Variants in FOCAD observed in about 807,000 individuals in gnomAD.
The protein encoded by FOCAD is focadhesin.
In FOCAD, 198 loss-of-function variants were observed where a neutral mutation model predicts 225.6. That is an observed-to-expected ratio of 0.88 (90% CI 0.78 to 0.99). The LOEUF (loss-of-function observed/expected upper bound fraction) is 0.99. Ranked by LOEUF, FOCAD falls within the 50% of genes least tolerant of loss-of-function variation. The pLI is 0.00. For synonymous variants in FOCAD, 897 were observed against 755.0 expected, an observed-to-expected ratio of 1.19 and a Z score of -3.08; for missense variants, 2,713 against 2,123.6, an observed-to-expected ratio of 1.28 and a Z score of -5.46.
intron 15 of FOCAD, among the ~76,000 whole-genome samples, chr9:20,842,430 G>A (rs574585872): frequency 6.6e-6 from 1 of 151,840 alleles, no homozygotes; most frequent in African/African-American, 2.4e-5. Flanking sequence ...CCAGTGTTGG[G>A]TACATATATA....
chr9:20,984,639 C>T (rs1840989249), intron 39 of FOCAD, among the ~76,000 whole-genome samples: 1 of 152,138 alleles, frequency 6.6e-6, no homozygotes, highest in Non-Finnish European at 1.5e-5. Context: ...CTTCTTCATT[C>T]CATCTGTTGT....
rs1564260593 is a variant in FOCAD, at chr9:20,995,801, G to C, written c.*172G>C. 3 of 488,208 alleles carry C rather than the reference G, an allele frequency of 6.1e-6. No homozygotes were observed. The highest frequency in any genetic ancestry group is 1.1e-5 in the Non-Finnish European group (3 of 275,534). 30.2% of individuals were successfully genotyped at this position (488,208 alleles called of 1,614,324 possible). The stretch of plus-strand genomic sequence containing the variant: ...TTGACACATGCCTCCTAAGAGAGGA[G>C]TGCATTGCTTTAGTACCCGGGCCAG... On this transcript the variant is annotated 3_prime_UTR_variant, in exon 44 of 44. Transcript: ENST00000338382.
At chr9:20,921,498 T>G (rs1834429938) in intron 24 of FOCAD, among the ~76,000 whole-genome samples, 1 of 152,208 alleles carries the variant, frequency 6.6e-6, no homozygotes, top group African/African-American at 2.4e-5. Context: ...TCCTTGAATT[T>G]GTTTCACTTA....
intron 26 of FOCAD, among the ~76,000 whole-genome samples, chr9:20,928,205 A>G (rs1045741220): frequency 6.6e-6 from 1 of 152,090 alleles, no homozygotes; most frequent in Non-Finnish European, 1.5e-5. Flanking sequence ...TAATCTCTTT[A>G]CTAGTCAGCT....
chr9:20,685,973 G>A (rs1347764141), intron 1 of FOCAD, among the ~76,000 whole-genome samples: 1 of 152,134 alleles, frequency 6.6e-6, no homozygotes, highest in Admixed American at 6.5e-5. Flanking sequence ...GGTGCTTACC[G>A]GTAAATCGTT....
intron 8 of FOCAD, among the ~76,000 whole-genome samples, chr9:20,771,298 A>G (rs1422314742): frequency 2.0e-5 from 3 of 152,192 alleles, no homozygotes; most frequent in Non-Finnish European, 1.5e-5. Context: ...CCTCTAGGCA[A>G]TGACATGCTG....
At chr9:20,921,733 ATTAC>A (rs1158060332) in intron 24 of FOCAD, among the ~76,000 whole-genome samples, 3 of 152,312 alleles carry the variant, frequency 2.0e-5, no homozygotes, top group South Asian at 2.1e-4. Context: ...ATTTTTCTCC[ATTAC>A]TTAAGAACAA....
chr9:20,907,303 A>G (rs2132021798), intron 22 of FOCAD, 61 bp downstream of exon 22: 1 of 1,352,226 alleles, frequency 7.4e-7, no homozygotes, highest in Non-Finnish European at 1.1e-6. Flanking sequence ...ATGTTTTGCT[A>G]CAAATGTGTA....
intron 21 of FOCAD, among the ~76,000 whole-genome samples, chr9:20,896,603 C>T (rs1196225844): frequency 6.6e-6 from 1 of 151,742 alleles, no homozygotes; most frequent in Admixed American, 6.6e-5. Flanking sequence ...TTGTGTCTTT[C>T]AGGGAATGAA....
At chr9:20,781,606 G>A (rs776082617) in intron 9 of FOCAD, 121 bp from the exon 10 acceptor site, 6 of 715,468 alleles carry the variant, frequency 8.4e-6, no homozygotes, top group Non-Finnish European at 1.2e-5. Flanking sequence ...ACCTAGTTAT[G>A]TGTCTGACCC....
At chr9:20,949,475 T>C (rs1197249569) in intron 32 of FOCAD, 129 bp from the exon 33 acceptor site, 3 of 696,812 alleles carry the variant, frequency 4.3e-6, no homozygotes, top group Non-Finnish European at 7.5e-6. Flanking sequence ...AGCTTATGTA[T>C]TTGAAATAGA....
chr9:20,992,123 G>A (rs1486122274), intron 42 of FOCAD, among the ~76,000 whole-genome samples: 2 of 152,104 alleles, frequency 1.3e-5, no homozygotes. Context: ...CAATGTATGT[G>A]TTTTTAGTGA....
chr9:20,785,325 A>T (rs893863026), intron 10 of FOCAD, among the ~76,000 whole-genome samples: 15 of 152,134 alleles, frequency 9.9e-5, no homozygotes, highest in African/African-American at 3.6e-4. Context: ...ATTCATTACC[A>T]CAATCCACTT....
chr9:20,958,878 T>C (rs532353553), intron 35 of FOCAD, among the ~76,000 whole-genome samples: 41 of 152,324 alleles, frequency 2.7e-4, no homozygotes, highest in African/African-American at 9.9e-4. Context: ...TTCATTCTTT[T>C]TGAGGGCTTA....
chr9:20,698,394 A>G (rs1823560604), intron 1 of FOCAD, among the ~76,000 whole-genome samples: 1 of 151,912 alleles, frequency 6.6e-6, no homozygotes, highest in South Asian at 2.1e-4. Context: ...ACACACACAT[A>G]TATGTGTATT....
rs914598437 is a variant in FOCAD, at chr9:20,700,140, CT to C, written c.-32-15172del. Among the ~76,000 whole-genome samples, 216 of 147,112 alleles carry C rather than the reference CT, an allele frequency of 1.5e-3. 1 individual carries two copies. Among genetic ancestry groups the C allele is most frequent in the African/African-American group, 4.4e-3 (178 of 40,192 alleles). ...TATAATAGAAGATTAGTAAATGTTC[CT>C]TTTTTTTTTAAAGAAATTATTTAAA... On this transcript the variant is annotated intron_variant, in intron 1 of 43. Transcript: ENST00000338382.
At chr9:20,961,606 A>T (rs1318856897) in intron 35 of FOCAD, among the ~76,000 whole-genome samples, 2 of 151,940 alleles carry the variant, frequency 1.3e-5, no homozygotes, top group African/African-American at 4.8e-5. Context: ...ATGTATTTTT[A>T]TTTCTGTATT....
intron 35 of FOCAD, among the ~76,000 whole-genome samples, chr9:20,973,101 T>A (rs1839906377): frequency 6.6e-6 from 1 of 152,014 alleles, no homozygotes; most frequent in Non-Finnish European, 1.5e-5. Flanking sequence ...TTTGCCTTGT[T>A]CTGATTCCCT....
intron 21 of FOCAD, among the ~76,000 whole-genome samples, chr9:20,889,562 C>A (rs1377109469): frequency 6.6e-6 from 1 of 152,148 alleles, no homozygotes; most frequent in Admixed American, 6.6e-5. Flanking sequence ...ATGTTTGGGT[C>A]TATTTCTGTA....
Sources: allele counts gnomAD v4.1 joint callset (sites outside exome capture counted in the v4.1 genomes callset), GRCh38; gene constraint gnomAD v4.1.1; transcripts MANE v1.5; gene names NCBI Gene and HGNC (gene_info 2026-07-23, HGNC 2026-07-21).